FGF1: variants seen among roughly 807,000 people sequenced by gnomAD.
FGF1 encodes fibroblast growth factor 1.
Under a neutral mutation model 13.4 loss-of-function variants are expected in FGF1, and 9 were observed. The observed-to-expected ratio is 0.67, with a 90% CI of 0.40 to 1.17. The LOEUF (loss-of-function observed/expected upper bound fraction) is 1.17. Ranked by LOEUF, FGF1 falls within the 50% of genes most tolerant of loss-of-function variation. The probability of loss-of-function intolerance (pLI) is 0.01; values close to 1 mark genes in which losing one functional copy is unlikely to be tolerated. For synonymous variants in FGF1, 93 were observed against 79.0 expected, an observed-to-expected ratio of 1.18 and a Z score of -0.94; for missense variants, 156 against 192.7, an observed-to-expected ratio of 0.81 and a Z score of 1.13.
At chr5:142,632,893 C>T (rs1213736382) in intron 1 of FGF1, among the ~76,000 whole-genome samples, 1 of 150,884 alleles carries the variant, frequency 6.6e-6, no homozygotes. Flanking sequence ...GTCAACTAAC[C>T]TTTTATTGTT....
chr5:142,646,541 C>T (rs191662241), intron 1 of FGF1, among the ~76,000 whole-genome samples: 5 of 152,040 alleles, frequency 3.3e-5, no homozygotes, highest in Admixed American at 6.5e-5. Flanking sequence ...TTAGTAGAGG[C>T]GGGGTTTCGC....
intron 2 of FGF1, among the ~76,000 whole-genome samples, chr5:142,608,546 A>C (rs1386798848): frequency 1.4e-3 from 43 of 31,482 alleles, no homozygotes; most frequent in East Asian, 0.012. Context: ...ACACATCTAT[A>C]TATATATATA....
upstream of FGF1, among the ~76,000 whole-genome samples, chr5:142,687,980 A>C (rs1267831843): frequency 2.0e-5 from 3 of 152,258 alleles, no homozygotes; most frequent in Non-Finnish European, 4.4e-5. Flanking sequence ...CATGACAATC[A>C]AATGTGTCCA....
chr5:142,677,696 A>G (rs1772889992), intron 1 of FGF1, among the ~76,000 whole-genome samples: 2 of 152,112 alleles, frequency 1.3e-5, no homozygotes, highest in African/African-American at 2.4e-5. Flanking sequence ...CACTCCCAAC[A>G]TTTAGTGATT....
At chr5:142,638,062 C>T (rs1049445593) in intron 1 of FGF1, among the ~76,000 whole-genome samples, 2 of 151,956 alleles carry the variant, frequency 1.3e-5, no homozygotes, top group Non-Finnish European at 1.5e-5. Flanking sequence ...CAAAGCATGG[C>T]AGTGAACAAA....
At chr5:142,603,535 G>A (rs1757030490) in intron 2 of FGF1, among the ~76,000 whole-genome samples, 1 of 152,160 alleles carries the variant, frequency 6.6e-6, no homozygotes, top group African/African-American at 2.4e-5. Flanking sequence ...TGAGAGGAAG[G>A]GCAGAGATCT....
chr5:142,633,918 C>A (rs1763796587), intron 1 of FGF1, among the ~76,000 whole-genome samples: 1 of 152,010 alleles, frequency 6.6e-6, no homozygotes. Flanking sequence ...GGCGTGGTGG[C>A]TCACGCCTGT....
intron 1 of FGF1, among the ~76,000 whole-genome samples, chr5:142,639,298 C>T (rs1397371331): frequency 6.6e-6 from 1 of 151,950 alleles, no homozygotes. Context: ...GAAATGGACA[C>T]TTCATTTCAT....
At chr5:142,661,668 G>T (rs1403465300) in intron 1 of FGF1, among the ~76,000 whole-genome samples, 1 of 152,092 alleles carries the variant, frequency 6.6e-6, no homozygotes, top group African/African-American at 2.4e-5. Context: ...GCTACAATGT[G>T]GATGAACCTT....
chr5:142,617,834 G>A lies in FGF1; in HGVS notation c.-34-3673C>T, dbSNP rs550399466. Among the ~76,000 whole-genome samples, 7 of 152,268 alleles carry A rather than the reference G, an allele frequency of 4.6e-5. No individual in the cohort carries two copies. In the South Asian group the frequency reaches 1.2e-3, roughly 27 times the overall value. On this transcript the variant is annotated intron_variant, in intron 1 of 3. Coordinates refer to ENST00000337706, the MANE Select transcript of FGF1 (RefSeq NM_000800.5). ...TATTTGTAATTTACCTATAGTTTGA[G>A]CGGTAGTTGGTCCAAAGTTCCTTGC... is the stretch of plus-strand genomic sequence containing the variant.
intron 2 of FGF1, among the ~76,000 whole-genome samples, chr5:142,691,445 TAAAATAAAATAAAATAAAATAAAATA>T (rs1415539001): frequency 1.9e-5 from 2 of 107,440 alleles, no homozygotes; most frequent in Admixed American, 9.4e-5. Context: ...TAAAATAAAA[TAAAATAAAATAAAATAAAATAAAATA>T]AAATAAAATA....
intron 1 of FGF1, among the ~76,000 whole-genome samples, chr5:142,676,967 T>C (rs1772735662): frequency 6.6e-6 from 1 of 152,208 alleles, no homozygotes; most frequent in South Asian, 2.1e-4. Flanking sequence ...AGGAATGTTT[T>C]ACTCCTATAA....
At chr5:142,600,922 A>G (rs1297178390) in intron 2 of FGF1, 117 bp from the exon 3 acceptor site, 2 of 695,356 alleles carry the variant, frequency 2.9e-6, no homozygotes, top group Non-Finnish European at 5.1e-6. Flanking sequence ...CGGAGCCCTC[A>G]GGGATGAGCC....
At chr5:142,642,088 A>G (rs1456995629) in intron 1 of FGF1, among the ~76,000 whole-genome samples, 2 of 152,224 alleles carry the variant, frequency 1.3e-5, no homozygotes, top group Non-Finnish European at 2.9e-5. Context: ...GGGAAAACAA[A>G]GCAGAAAAGC....
chr5:142,645,240 C>T (rs1408517522), intron 1 of FGF1, among the ~76,000 whole-genome samples: 1 of 152,198 alleles, frequency 6.6e-6, no homozygotes, highest in Non-Finnish European at 1.5e-5. Context: ...CGGATGAGAA[C>T]GTCTCCACTC....
At chr5:142,677,409 A>G (rs920401148) in intron 1 of FGF1, among the ~76,000 whole-genome samples, 2 of 152,218 alleles carry the variant, frequency 1.3e-5, no homozygotes, top group Non-Finnish European at 2.9e-5. Flanking sequence ...ATCAGCCAAA[A>G]GAAGTTATTC....
At chr5:142,648,079 T>C (rs1347681927) in intron 1 of FGF1, among the ~76,000 whole-genome samples, 7 of 152,160 alleles carry the variant, frequency 4.6e-5, no homozygotes, top group Admixed American at 4.6e-4. Flanking sequence ...AGTGAGACTC[T>C]ATCTCAAAAC....
chr5:142,632,960 G>T (rs527507639), intron 1 of FGF1, among the ~76,000 whole-genome samples: 1 of 146,806 alleles, frequency 6.8e-6, no homozygotes, highest in Non-Finnish European at 1.5e-5. Flanking sequence ...TTGCTGTGTC[G>T]CCAGGCTGGA....
In FGF1 at chr5:142,613,991, A is replaced by G. The variant is rs1759641720; in HGVS notation, c.137T>C (p.Val46Ala). ...GTCGCTCCTGTCCCTTGTCCCATCC[A>G]CTGTGCCATCCGGAAGGATCCTCAG... ...HFLRILPDGT[V>A]DGTRDRSDQH... is the part of the protein sequence containing the mutation. Residue 46 changes from valine (V) to alanine (A), a missense_variant, in exon 2 of 4, where the codon GTG becomes GCG. By Grantham distance (64) the Val-to-Ala change is moderately conservative (BLOSUM62 0). Coordinates refer to ENST00000337706, the MANE Select transcript of FGF1 (RefSeq NM_000800.5). 1 of 1,614,096 alleles carries G rather than the reference A, an allele frequency of 6.2e-7. No individual in the cohort carries two copies. The highest frequency in any genetic ancestry group is 1.3e-5 in the African/African-American group (1 of 75,032).
Sources: allele counts gnomAD v4.1 joint callset (sites outside exome capture counted in the v4.1 genomes callset), GRCh38; gene constraint gnomAD v4.1.1; transcripts MANE v1.5; gene names NCBI Gene and HGNC (gene_info 2026-07-23, HGNC 2026-07-21).